USP24: variants seen among roughly 807,000 people sequenced by gnomAD.
USP24 encodes ubiquitin carboxyl-terminal hydrolase 24.
In USP24, 97 loss-of-function variants were observed where a neutral mutation model predicts 361.6. That is an observed-to-expected ratio of 0.27 (90% CI 0.23 to 0.32). The LOEUF is 0.32. Among genes scored for constraint, USP24 ranks in the 10% least tolerant of loss-of-function variants. The pLI is 1.00. For synonymous variants in USP24, 1,098 were observed against 1,124.6 expected (o/e 0.98, Z 0.47); for missense variants, 2,353 against 3,165.6 (o/e 0.74, Z 6.16).
rs752430140 is a variant in USP24 at position 55,156,942 on chromosome 1, A to G, written c.1446+6T>C. On this transcript the variant is annotated splice_donor_region_variant and intron_variant, in intron 12 of 67. Transcript: ENST00000294383. Reference sequence around the variant, plus strand: ...CCAAAGGCAAAAATAATTCTGATCAACCTACCTGTATCTTCCAAATTTTAG... The same window carrying G: ...CCAAAGGCAAAAATAATTCTGATCAGCCTACCTGTATCTTCCAAATTTTAG... 6.2e-7 allele frequency: 1 copy of G among 1,604,282 alleles called. No homozygotes were observed. Among genetic ancestry groups the G allele is most frequent in the Non-Finnish European group, 8.5e-7 (1 of 1,171,714 alleles).
chr1:55,214,887 C>G lies in USP24; in HGVS notation c.227G>C (p.Gly76Ala), dbSNP rs1434077866. The change falls in exon 1 of 68, where the codon GGT becomes GCT. Residue 76 changes from glycine (G) to alanine (A), a missense_variant. This residue lies in a region of USP24 where 253 missense variants were observed against 255.3 expected (regional missense o/e 0.99). Transcript: ENST00000294383. ...PGGGPRGDGG[G>A]DGGGGGPSRG... ...GGAGGGGCCGCCGCCGCCGCCGTCA[C>G]CTCCGCCGTCGCCCCGCGGGCCCCC... The G allele has an allele frequency of 1.6e-6, 2 of 1,250,602 alleles. No individual in the cohort carries two copies. Among genetic ancestry groups the G allele is most frequent in the South Asian group, 3.1e-5 (1 of 31,762 alleles). 77.5% of individuals were successfully genotyped at this position (1,250,602 alleles called of 1,614,324 possible).
At chr1:55,091,738 G>C (rs1005964755) in intron 54 of USP24, among the ~76,000 whole-genome samples, 7 of 152,136 alleles carry the variant, frequency 4.6e-5, no homozygotes. Context: ...GAGAACATCA[G>C]TGTCTTAAAG....
intron 6 of USP24, 118 bp downstream of exon 6, chr1:55,166,450 T>G: frequency 1.0e-6 from 1 of 984,078 alleles, no homozygotes; most frequent in South Asian, 1.6e-5. Flanking sequence ...ATCCACTCCT[T>G]AAAGCATTTT....
At chr1:55,195,141 TA>T (rs1382278448) in intron 1 of USP24, among the ~76,000 whole-genome samples, 2 of 152,188 alleles carry the variant, frequency 1.3e-5, no homozygotes, top group Non-Finnish European at 2.9e-5. Flanking sequence ...GCCTAGAAAG[TA>T]AAAGCAAGCT....
At chr1:55,141,162 T>A (rs1646877841) in intron 24 of USP24, among the ~76,000 whole-genome samples, 1 of 152,200 alleles carries the variant, frequency 6.6e-6, no homozygotes, top group Non-Finnish European at 1.5e-5. Flanking sequence ...ATTAATCATC[T>A]TCTACTTCAT....
intron 3 of USP24, among the ~76,000 whole-genome samples, chr1:55,175,866 G>T (rs1000639016): frequency 4.6e-5 from 7 of 152,198 alleles, no homozygotes; most frequent in Admixed American, 1.3e-4. Flanking sequence ...CCAAATGGAA[G>T]TAGGCATATC....
At chr1:55,207,386 A>C (rs1644739115) in intron 1 of USP24, among the ~76,000 whole-genome samples, 1 of 152,204 alleles carries the variant, frequency 6.6e-6, no homozygotes. Context: ...CTGACCAACA[A>C]GTCTTCCTTA....
chr1:55,202,490 C>T (rs1157112360), intron 1 of USP24, among the ~76,000 whole-genome samples: 5 of 151,908 alleles, frequency 3.3e-5, no homozygotes, highest in East Asian at 1.9e-4. Context: ...CTGCAAACTC[C>T]GCCTCCCAGG....
In USP24 at chr1:55,194,465, A is replaced by T. The variant is rs1644366299; in HGVS notation, c.325-16333T>A. 3.3e-5 allele frequency among the ~76,000 whole-genome samples: 5 copies of T among 152,310 alleles called. No homozygotes were observed. The South Asian group carries it at 1.0e-3, about 32-fold the overall frequency. ...AGAAATAGAAGCCCAGGCTGAGAGC[A>T]GTGAGCTCACACCTGTAATCCCAGC... On this transcript the variant is annotated intron_variant, in intron 1 of 67. Transcript: ENST00000294383.
chr1:55,186,532 C>G (rs1644137133), intron 1 of USP24, among the ~76,000 whole-genome samples: 1 of 152,122 alleles, frequency 6.6e-6, no homozygotes, highest in Non-Finnish European at 1.5e-5. Context: ...AAGTGTCCAT[C>G]AACAAATGAA....
At position 55,162,185 on chromosome 1, in the gene USP24, T is replaced by C. The variant is rs1470644378; in HGVS notation, c.993+14A>G. 8.2e-6 allele frequency: 13 copies of C among 1,579,654 alleles called. No individual in the cohort carries two copies. Among genetic ancestry groups the C allele is most frequent in the Non-Finnish European group, 1.0e-5 (12 of 1,166,244 alleles). On this transcript the variant is annotated intron_variant, in intron 8 of 67. Transcript: ENST00000294383. ...TTCAATCATATGAAGTAATGTGAAA[T>C]GGTTTAATCCTACCTGTACCACGGA...
At chr1:55,121,530 T>G (rs1362698538) in intron 36 of USP24, 24 bp from the exon 37 acceptor site, 2 of 1,602,836 alleles carry the variant, frequency 1.2e-6, no homozygotes, top group African/African-American at 2.7e-5. Flanking sequence ...ATGGGGGATG[T>G]GGGTGTGTGA....
chr1:55,123,744 T>A, intron 35 of USP24, 142 bp from the exon 36 acceptor site: 2 of 832,236 alleles, frequency 2.4e-6, no homozygotes, highest in Non-Finnish European at 3.4e-6. Context: ...AAGAGAGATT[T>A]AATACTGTAT....
chr1:55,146,998 G>T lies in USP24; in HGVS notation c.2181C>A (p.Gly727=), dbSNP rs757096162. 3 of 1,605,962 alleles carry T rather than the reference G, an allele frequency of 1.9e-6. No homozygotes were observed. The South Asian group carries it at 3.3e-5, about 18-fold the overall frequency. ...FFLQEATLYL[G]WNRAKEIWEC... is the part of the protein sequence containing the mutation. ...CCCAGATCTCCTTGGCACGATTCCAGCCCAGATACAGAGTAGCTTCTTGCA... is the reference window on the plus strand; with the variant it reads ...CCCAGATCTCCTTGGCACGATTCCATCCCAGATACAGAGTAGCTTCTTGCA... The change falls in exon 19 of 68, where the codon GGC becomes GGA. Residue 727 remains glycine, a synonymous_variant. Transcript: ENST00000294383.
Position 55,120,730 on chromosome 1 carries a change from C to T in USP24, c.4374G>A (p.Leu1458=). The change falls in exon 38 of 68, where the codon CTG becomes CTA. Residue 1458 remains leucine (L), a synonymous_variant. Coordinates refer to ENST00000294383, the MANE Select transcript of USP24 (RefSeq NM_015306.3). ...AEIRRVACDQ[L]YTLSQTDTSA... Reference sequence around the variant, plus strand: ...ATGTGTCTGTCTGACTAAGAGTGTACAGCTGATCACAGGCAACCCGGCGAA... The same window carrying T: ...ATGTGTCTGTCTGACTAAGAGTGTATAGCTGATCACAGGCAACCCGGCGAA... 6.4e-7 allele frequency: 1 copy of T among 1,571,136 alleles called. No homozygotes were observed. The highest frequency in any genetic ancestry group is 8.6e-7 in the Non-Finnish European group (1 of 1,158,184).
At chr1:55,100,484 G>A (rs1223140084) in intron 44 of USP24, among the ~76,000 whole-genome samples, 33 of 143,598 alleles carry the variant, frequency 2.3e-4, no homozygotes, top group Non-Finnish European at 5.0e-4. Flanking sequence ...CAACAAGAGC[G>A]AAACTCCGTC....
Position 55,073,591 on chromosome 1 carries a change from ACATAAGG to A in USP24, c.7526+230_7526+236del, listed in dbSNP as rs1644963287. 3.9e-5 allele frequency among the ~76,000 whole-genome samples: 6 copies of A among 152,244 alleles called. No individual in the cohort carries two copies. The South Asian group carries it at 1.2e-3, about 32-fold the overall frequency. ...ATCTGCCCTGATTCCTGCCTTTCTG[ACATAAGG>A]CCTGATGGGTGAGCTTTTCTGGGAT... On this transcript the variant is annotated intron_variant, in intron 64 of 67. Transcript: ENST00000294383.
chr1:55,097,563 T>G, intron 48 of USP24, 35 bp downstream of exon 48: 2 of 1,525,138 alleles, frequency 1.3e-6, no homozygotes, highest in Non-Finnish European at 8.8e-7. Flanking sequence ...AGGAAATGAA[T>G]GGTTGTGAAA....
At chr1:55,117,518 G>A (rs1201908804) in intron 38 of USP24, among the ~76,000 whole-genome samples, 1 of 151,296 alleles carries the variant, frequency 6.6e-6, no homozygotes, top group Non-Finnish European at 1.5e-5. Context: ...CATGAGGTCA[G>A]GAGATCGAGA....
Sources: allele counts gnomAD v4.1 joint callset (sites outside exome capture counted in the v4.1 genomes callset), GRCh38; gene constraint gnomAD v4.1.1; regional missense constraint gnomAD v4.1.1; transcripts MANE v1.5; gene names NCBI Gene and HGNC (gene_info 2026-07-23, HGNC 2026-07-21).